DGKI: variants seen among roughly 807,000 people sequenced by gnomAD.
The protein encoded by DGKI is DAG kinase iota.
A neutral mutation model predicts 147.5 loss-of-function variants in DGKI; 55 were observed. The ratio of observed to expected loss-of-function variants is 0.37; its 90% CI spans 0.30 to 0.47. The LOEUF (loss-of-function observed/expected upper bound fraction) is 0.47. DGKI is among the 20% of genes least tolerant of loss of function. The pLI is 1.00. For missense variants in DGKI, 1,007 were observed against 1,323.8 expected, an observed-to-expected ratio of 0.76 and a Z score of 3.71; for synonymous variants, 469 against 477.1, an observed-to-expected ratio of 0.98 and a Z score of 0.22.
At chr7:137,786,839 A>C (rs1378986822) in intron 1 of DGKI, among the ~76,000 whole-genome samples, 1 of 152,174 alleles carries the variant, frequency 6.6e-6, no homozygotes, top group East Asian at 1.9e-4. Context: ...CAGCCAACTG[A>C]TCTTCAACAA....
At chr7:137,839,643 G>A (rs1272544229) in intron 1 of DGKI, among the ~76,000 whole-genome samples, 1 of 152,164 alleles carries the variant, frequency 6.6e-6, no homozygotes, top group East Asian at 1.9e-4. Context: ...CCAGGTAGCA[G>A]GGCTCTTCAC....
rs368077727 is a variant in DGKI at position 137,481,455 on chromosome 7, C to T, written c.2373+3919G>A. 7.9e-5 allele frequency among the ~76,000 whole-genome samples: 12 copies of T among 152,196 alleles called. No individual in the cohort carries two copies. In the South Asian group the frequency reaches 2.3e-3, roughly 29 times the overall value. ...CAAGAATATCCTAAATCTGCAAGTG[C>T]AATGCATTTTGCTTGTAAAACATAT... On this transcript the variant is annotated intron_variant, in intron 23 of 32. Transcript: ENST00000614521.
intron 10 of DGKI, among the ~76,000 whole-genome samples, chr7:137,605,370 TAAAA>T (rs1820147131): frequency 3.4e-5 from 5 of 145,368 alleles, no homozygotes; most frequent in East Asian, 2.0e-4. Flanking sequence ...TAAAATAAAA[TAAAA>T]TAAAAAAAGT....
chr7:137,618,151 A>ATTATATT (rs1554442524), intron 8 of DGKI, among the ~76,000 whole-genome samples: 1 of 10,450 alleles, frequency 9.6e-5, no homozygotes, highest in Non-Finnish European at 6.1e-4. Context: ...ATATATATAT[A>ATTATATT]TTTTTTTTTT....
chr7:137,491,948 T>C (rs1193067467), intron 21 of DGKI, among the ~76,000 whole-genome samples: 1 of 152,062 alleles, frequency 6.6e-6, no homozygotes, highest in Non-Finnish European at 1.5e-5. Context: ...TAGAAAAGGG[T>C]AGAGAAATCC....
intron 1 of DGKI, among the ~76,000 whole-genome samples, chr7:137,703,420 G>A (rs1443752672): frequency 6.6e-6 from 1 of 152,154 alleles, no homozygotes; most frequent in Admixed American, 6.6e-5. Context: ...AAAAATCTGA[G>A]AAGGCCCTAA....
chr7:137,608,843 C>A lies in DGKI; in HGVS notation c.1167+123G>T, dbSNP rs554265270. 5.4e-6 allele frequency: 4 copies of A among 737,116 alleles called. No homozygotes were observed. In the Admixed American group the frequency reaches 7.3e-5, roughly 14 times the overall value. The allele number at this position is 737,116 out of a possible 1,614,324, so 45.7% of individuals were successfully genotyped here. A position where few individuals can be genotyped will look rare whatever the true frequency, so the allele number is the denominator to read the frequency against. ...CTATCAGAGAAACAATAACCTTGTT[C>A]CTGAGAAACCGGTGTCTTCCAAAGC... On this transcript the variant is annotated intron_variant, in intron 10 of 32. Transcript: ENST00000614521.
chr7:137,747,222 C>T (rs1216431796), intron 1 of DGKI, among the ~76,000 whole-genome samples: 10 of 152,106 alleles, frequency 6.6e-5, no homozygotes, highest in African/African-American at 2.2e-4. Context: ...TTCTGGGTCT[C>T]CTCTTCTTCC....
intron 1 of DGKI, among the ~76,000 whole-genome samples, chr7:137,788,995 G>C (rs773144791): frequency 6.6e-6 from 1 of 152,164 alleles, no homozygotes; most frequent in Non-Finnish European, 1.5e-5. Context: ...TTGTTTAAAT[G>C]AATTACAGTG....
intron 19 of DGKI, among the ~76,000 whole-genome samples, chr7:137,569,516 C>T (rs1422613014): frequency 2.0e-5 from 3 of 151,812 alleles, no homozygotes; most frequent in Non-Finnish European, 4.4e-5. Context: ...ACCACGAGGT[C>T]AGGAGATCGA....
At chr7:137,600,998 A>G (rs1035200807) in intron 10 of DGKI, among the ~76,000 whole-genome samples, 9 of 152,184 alleles carry the variant, frequency 5.9e-5, no homozygotes, top group Admixed American at 5.9e-4. Flanking sequence ...GGGGCCGGGC[A>G]CGGTGGCTCA....
chr7:137,760,795 A>C (rs1372793539), intron 1 of DGKI, among the ~76,000 whole-genome samples: 2 of 152,100 alleles, frequency 1.3e-5, no homozygotes, highest in African/African-American at 4.8e-5. Context: ...AAGACCTTAC[A>C]TCCTGCTTCA....
At chr7:137,573,696 C>T (rs879765726) in intron 17 of DGKI, among the ~76,000 whole-genome samples, 4 of 152,206 alleles carry the variant, frequency 2.6e-5, no homozygotes, top group Non-Finnish European at 4.4e-5. Context: ...TGAGCCACTG[C>T]GCCTGGCCAT....
At chr7:137,662,477 T>C (rs1425246730) in intron 3 of DGKI, among the ~76,000 whole-genome samples, 2 of 152,030 alleles carry the variant, frequency 1.3e-5, no homozygotes, top group Non-Finnish European at 2.9e-5. Flanking sequence ...TCTCCTGATC[T>C]CGTGATCCAC....
chr7:137,675,023 G>C (rs1458099254), intron 3 of DGKI, among the ~76,000 whole-genome samples: 1 of 152,182 alleles, frequency 6.6e-6, no homozygotes, highest in Non-Finnish European at 1.5e-5. Context: ...CCAACAGGTA[G>C]GCTTTCTTCA....
intron 24 of DGKI, among the ~76,000 whole-genome samples, chr7:137,468,882 AAG>A (rs375415021): frequency 6.6e-5 from 10 of 152,310 alleles, no homozygotes; most frequent in African/African-American, 2.2e-4. Flanking sequence ...ATATGAACAA[AAG>A]AGAGAATGGG....
chr7:137,531,582 C>A (rs912695745), intron 20 of DGKI, among the ~76,000 whole-genome samples: 1 of 152,132 alleles, frequency 6.6e-6, no homozygotes, highest in African/African-American at 2.4e-5. Context: ...GGATTTAGAT[C>A]TCATGTGTTC....
chr7:137,576,442 C>A (rs950997290), intron 17 of DGKI, among the ~76,000 whole-genome samples: 7 of 152,022 alleles, frequency 4.6e-5, no homozygotes, highest in Admixed American at 1.3e-4. Context: ...TATCTTTTTT[C>A]TCTTTCTCAT....
At chr7:137,705,575 T>C (rs965474357) in intron 1 of DGKI, among the ~76,000 whole-genome samples, 4 of 152,108 alleles carry the variant, frequency 2.6e-5, no homozygotes, top group African/African-American at 7.2e-5. Context: ...GGAGGGGAGA[T>C]GGCTGATTGG....
Sources: allele counts gnomAD v4.1 joint callset (sites outside exome capture counted in the v4.1 genomes callset), GRCh38; gene constraint gnomAD v4.1.1; transcripts MANE v1.5; gene names NCBI Gene and HGNC (gene_info 2026-07-23, HGNC 2026-07-21).